The following RAP1B variants were observed in gnomAD, a reference collection of about 807,000 sequenced individuals.
RAP1B encodes the protein RAP1B, member of RAS oncogene family, also known as ras-related protein Rap-1b.
RAP1B carries 1 observed loss-of-function variant against 27.5 expected under a neutral mutation model. That is an observed-to-expected ratio of 0.04 (90% confidence interval 0.01 to 0.17). The LOEUF is 0.17. RAP1B is among the 10% of genes least tolerant of loss of function. The pLI is 1.00. For missense variants in RAP1B, 84 were observed against 214.8 expected (o/e 0.39, Z 3.81); for synonymous variants, 75 against 73.1 (o/e 1.03, Z -0.13).
Position 68,651,990 on chromosome 12 carries a change from A to G in RAP1B, c.127-5A>G. ...AATGAACATGTATTTTAATTTTTCT[A>G]CCAGCAAGTTGAAGTAGATGCACAA... On this transcript the variant is annotated splice_region_variant and splice_polypyrimidine_tract_variant and intron_variant, in intron 3 of 7. Coordinates refer to ENST00000250559, the MANE Select transcript of RAP1B (RefSeq NM_001010942.3). The G allele has an allele frequency of 6.2e-7, 1 of 1,610,932 alleles. No individual in the cohort carries two copies. Among genetic ancestry groups the G allele is most frequent in the Non-Finnish European group, 8.5e-7 (1 of 1,177,626 alleles).
chr12:68,644,328 C>T (rs1237125787), intron 1 of RAP1B, among the ~76,000 whole-genome samples: 2 of 152,104 alleles, frequency 1.3e-5, no homozygotes, highest in Non-Finnish European at 2.9e-5. Flanking sequence ...CGGTGGCTCA[C>T]GCCTGTAATC....
At chr12:68,626,332 G>A (rs1189149087) in intron 1 of RAP1B, among the ~76,000 whole-genome samples, 1 of 152,184 alleles carries the variant, frequency 6.6e-6, no homozygotes, top group Non-Finnish European at 1.5e-5. Flanking sequence ...ACTGCATGTA[G>A]TATAGTATTT....
intron 1 of RAP1B, among the ~76,000 whole-genome samples, chr12:68,631,378 A>T (rs182417472): frequency 6.6e-6 from 1 of 152,130 alleles, no homozygotes; most frequent in Non-Finnish European, 1.5e-5. Context: ...CCATGCCTAG[A>T]TGTATTGTTC....
chr12:68,637,599 C>CAAAAA lies in RAP1B; in HGVS notation c.-26-11075_-26-11071dup, dbSNP rs58656248. On this transcript the variant is annotated intron_variant, in intron 1 of 7. Coordinates refer to ENST00000250559, the MANE Select transcript of RAP1B (RefSeq NM_001010942.3). ...GGGTGACAAGAGTAAAACTCCATCT[C>CAAAAA]AAAAAAAAAAAAAAAAAAAAAAAAA... Among the ~76,000 whole-genome samples the CAAAAA allele has an allele frequency of 1.7e-3, 59 of 34,256 alleles. 1 individual carries two copies. Among genetic ancestry groups the CAAAAA allele is most frequent in the African/African-American group, 3.6e-3 (25 of 7,010 alleles). The allele number at this position is 34,256 out of a possible 152,430, so 22.5% of individuals were successfully genotyped here.
intron 1 of RAP1B, chr12:68,642,603 T>TGGTC: frequency 2.9e-6 from 3 of 1,017,052 alleles, no homozygotes; most frequent in Non-Finnish European, 4.7e-6. Context: ...AAGTCCTCAG[T>TGGTC]GGTCATCTGA....
In RAP1B at chr12:68,639,822, T is replaced by G. The variant is rs542371184; in HGVS notation, c.-26-8877T>G. Among the ~76,000 whole-genome samples the G allele has an allele frequency of 2.0e-5, 3 of 152,080 alleles. No homozygotes were observed. In the South Asian group the frequency reaches 6.2e-4, roughly 32 times the overall value. ...AATTTAACTTCAGCCACAAACTAAT[T>G]AGCATGTCACCCCACCAAAGATTTT... On this transcript the variant is annotated intron_variant, in intron 1 of 7. Transcript: ENST00000250559.
chr12:68,642,806 T>G (rs1873114883), intron 1 of RAP1B: 1 of 1,018,078 alleles, frequency 9.8e-7, no homozygotes. Flanking sequence ...CAAACCGGCC[T>G]TGGCCACGTT....
At chr12:68,623,105 T>C (rs907235893) in intron 1 of RAP1B, among the ~76,000 whole-genome samples, 2 of 152,264 alleles carry the variant, frequency 1.3e-5, no homozygotes, top group Non-Finnish European at 2.9e-5. Context: ...TTGCATGTTA[T>C]TGAAAGCTAA....
intron 1 of RAP1B, among the ~76,000 whole-genome samples, chr12:68,613,187 C>T (rs988083277): frequency 6.6e-6 from 1 of 151,968 alleles, no homozygotes; most frequent in East Asian, 1.9e-4. Context: ...TGGTGAAACC[C>T]CGTCTTTACT....
chr12:68,655,947 G>T (rs187277590), intron 5 of RAP1B, among the ~76,000 whole-genome samples: 1 of 152,116 alleles, frequency 6.6e-6, no homozygotes. Flanking sequence ...CTCATAACAG[G>T]ATCATAGCTT....
At chr12:68,643,933 TTC>T (rs1873209529) in intron 1 of RAP1B, among the ~76,000 whole-genome samples, 1 of 152,194 alleles carries the variant, frequency 6.6e-6, no homozygotes, top group African/African-American at 2.4e-5. Context: ...TGTATTTTTT[TTC>T]TTTTTTTTAT....
At chr12:68,647,197 C>T (rs540208081) in intron 1 of RAP1B, among the ~76,000 whole-genome samples, 1 of 152,142 alleles carries the variant, frequency 6.6e-6, no homozygotes, top group African/African-American at 2.4e-5. Flanking sequence ...TGATTACAGG[C>T]GTGTACCACC....
intron 1 of RAP1B, among the ~76,000 whole-genome samples, chr12:68,612,067 A>C (rs1390470186): frequency 6.6e-6 from 1 of 152,224 alleles, no homozygotes; most frequent in Non-Finnish European, 1.5e-5. Context: ...GAATAGAAGC[A>C]GTTCTGTGTT....
chr12:68,664,303 A>T lies in RAP1B; in HGVS notation c.*5054A>T, dbSNP rs1311577070. On this transcript the variant is annotated 3_prime_UTR_variant, in exon 8 of 8. Coordinates refer to ENST00000250559, the MANE Select transcript of RAP1B (RefSeq NM_001010942.3). Reference sequence around the variant, plus strand: ...AAATTTCTATTTATGTCTGGTAGTTATGTCCCCTGTGAGCACTAATTTCAG... The same window carrying T: ...AAATTTCTATTTATGTCTGGTAGTTTTGTCCCCTGTGAGCACTAATTTCAG... 2.0e-5 allele frequency: 3 copies of T among 152,230 alleles called. No homozygotes were observed. Among genetic ancestry groups the T allele is most frequent in the Non-Finnish European group, 2.9e-5 (2 of 68,044 alleles). The allele number at this position is 152,230 out of a possible 1,614,324, so 9.4% of individuals were successfully genotyped here. A position where few individuals can be genotyped will look rare whatever the true frequency, so the allele number is the denominator to read the frequency against.
rs114277444 is a variant in RAP1B at position 68,644,273 on chromosome 12, T to A, written c.-26-4426T>A. Among the ~76,000 whole-genome samples, 451 of 152,320 alleles carry A rather than the reference T, an allele frequency of 3.0e-3. 3 individuals carry two copies. The highest frequency in any genetic ancestry group is 0.01 in the African/African-American group (421 of 41,566). The stretch of plus-strand genomic sequence containing the variant: ...TATATTGACATGGAGGGTTCTTACA[T>A]GTTTTTGAGCTAGTAGATTAAAGAG... On this transcript the variant is annotated intron_variant, in intron 1 of 7. Transcript: ENST00000250559.
intron 1 of RAP1B, among the ~76,000 whole-genome samples, chr12:68,627,655 A>G (rs1370611104): frequency 1.3e-5 from 2 of 152,188 alleles, no homozygotes; most frequent in African/African-American, 2.4e-5. Flanking sequence ...ATACCAGCCA[A>G]ACTACATCTA....
chr12:68,629,815 C>G (rs771081119), intron 1 of RAP1B, among the ~76,000 whole-genome samples: 7 of 152,180 alleles, frequency 4.6e-5, no homozygotes, highest in Non-Finnish European at 1.0e-4. Flanking sequence ...AGACAGACTT[C>G]AGCATTCAGC....
intron 1 of RAP1B, among the ~76,000 whole-genome samples, chr12:68,611,965 C>G (rs918886106): frequency 8.5e-5 from 13 of 152,180 alleles, no homozygotes; most frequent in Non-Finnish European, 1.3e-4. Context: ...CAAGTTAAAG[C>G]AGATGGTTTC....
intron 1 of RAP1B, chr12:68,642,735 C>T: frequency 1.9e-6 from 2 of 1,076,716 alleles, no homozygotes; most frequent in Non-Finnish European, 2.9e-6. Flanking sequence ...TCCACCTGCG[C>T]AGTATATTTA....
Sources: gnomAD v4.1 joint callset for allele counts (sites outside exome capture counted in the v4.1 genomes callset) on GRCh38, gnomAD v4.1.1 for gene constraint, MANE v1.5 for transcripts, NCBI Gene and HGNC (gene_info 2026-07-23, HGNC 2026-07-21) for gene names.